Variants in CNNM1 observed in about 807,000 individuals in gnomAD.
CNNM1 encodes metal transporter CNNM1.
In CNNM1, 44 loss-of-function variants were observed where a neutral mutation model predicts 78.8. The observed-to-expected ratio is 0.56, with a 90% CI of 0.44 to 0.72. CNNM1 has a LOEUF of 0.72. Ranked by LOEUF, CNNM1 falls within the 30% of genes least tolerant of loss-of-function variation. The pLI is 0.00. For synonymous variants in CNNM1, 584 were observed against 581.5 expected, an observed-to-expected ratio of 1.00 and a Z score of -0.06; for missense variants, 1,101 against 1,292.2, an observed-to-expected ratio of 0.85 and a Z score of 2.27.
intron 6 of CNNM1, among the ~76,000 whole-genome samples, chr10:99,368,839 C>T (rs1470646804): frequency 6.6e-6 from 1 of 152,176 alleles, no homozygotes; most frequent in East Asian, 1.9e-4. Flanking sequence ...TTTGCACATA[C>T]CACCCAGGCA....
At chr10:99,360,333 G>C (rs1056124456) in intron 2 of CNNM1, among the ~76,000 whole-genome samples, 1 of 152,162 alleles carries the variant, frequency 6.6e-6, no homozygotes, top group East Asian at 1.9e-4. Context: ...GCAAAGGAGG[G>C]GGACAGAGTC....
chr10:99,388,263 A>G lies in CNNM1; in HGVS notation c.2636A>G (p.Gln879Arg). 6.2e-7 allele frequency: 1 copy of G among 1,613,902 alleles called. No homozygotes were observed. The highest frequency in any genetic ancestry group is 8.5e-7 in the Non-Finnish European group (1 of 1,179,870). ...GACTTCGAGGAGCACAGCACACAGCAGCTCACGCTGTCTCCTGCAGCCGTT... is the reference window on the plus strand; with the variant it reads ...GACTTCGAGGAGCACAGCACACAGCGGCTCACGCTGTCTCCTGCAGCCGTT... ...MTDFEEHSTQ[Q>R]LTLSPAAVPT... The change falls in exon 9 of 11, where the codon CAG becomes CGG. Residue 879 changes from glutamine to arginine, a missense_variant. By Grantham distance (43) the Gln-to-Arg change is conservative (BLOSUM62 1). Transcript: ENST00000356713.
chr10:99,360,701 C>A, intron 2 of CNNM1, 134 bp from the exon 3 acceptor site: 1 of 1,146,458 alleles, frequency 8.7e-7, no homozygotes, highest in Non-Finnish European at 1.2e-6. Context: ...CCTTCTACTT[C>A]CTGGGTGATA....
intron 2 of CNNM1, among the ~76,000 whole-genome samples, chr10:99,358,709 C>G (rs1044622801): frequency 6.6e-6 from 1 of 152,130 alleles, no homozygotes; most frequent in Non-Finnish European, 1.5e-5. Context: ...TTGCCCGGAC[C>G]AGGCGTGTCT....
intron 9 of CNNM1, 109 bp downstream of exon 9, chr10:99,388,410 C>G: frequency 1.6e-6 from 2 of 1,277,946 alleles, no homozygotes; most frequent in Non-Finnish European, 2.1e-6. Context: ...GCAGCCCGTG[C>G]GTTAAACCTC....
intron 1 of CNNM1, among the ~76,000 whole-genome samples, chr10:99,351,158 C>T (rs187870037): frequency 7.9e-5 from 12 of 152,258 alleles, no homozygotes; most frequent in Admixed American, 2.6e-4. Context: ...ACTAGGACTG[C>T]CCTTTGGATT....
rs1850563883 is a variant in CNNM1, at chr10:99,329,922, G to T, written c.535G>T (p.Gly179Cys). The T allele has an allele frequency of 7.2e-7, 1 of 1,382,918 alleles. No individual in the cohort carries two copies. The allele number at this position is 1,382,918 out of a possible 1,614,324, so 85.7% of individuals were successfully genotyped here. A position where few individuals can be genotyped will look rare whatever the true frequency, so the allele number is the denominator to read the frequency against. The change falls in exon 1 of 11, where the codon GGT becomes TGT. Residue 179 changes from glycine (G) to cysteine (C), a missense_variant. By Grantham distance (159) the Gly-to-Cys change is radical. Coordinates refer to ENST00000356713, the MANE Select transcript of CNNM1 (RefSeq NM_020348.3). ...KGEAERGGAG[G>C]GGKLFSLCAW... ...CGAAGCGGAGCGGGGCGGCGCGGGCGGTGGCGGGAAGCTCTTTTCACTCTG... is the reference window on the plus strand; with the variant it reads ...CGAAGCGGAGCGGGGCGGCGCGGGCTGTGGCGGGAAGCTCTTTTCACTCTG...
At chr10:99,361,359 A>T (rs2031427904) in intron 3 of CNNM1, among the ~76,000 whole-genome samples, 1 of 152,216 alleles carries the variant, frequency 6.6e-6, no homozygotes, top group Admixed American at 6.5e-5. Flanking sequence ...TAAAATACAG[A>T]AGTGTATTGT....
Position 99,357,083 on chromosome 10 carries a change from T to C in CNNM1, c.1574-429T>C, listed in dbSNP as rs542134973. Among the ~76,000 whole-genome samples, 272 of 152,272 alleles carry C rather than the reference T, an allele frequency of 1.8e-3. 1 individual carries two copies. The highest frequency in any genetic ancestry group is 3.8e-3 in the Admixed American group (58 of 15,298). ...TTTCCTGATTCTAGATGAGAGATGGTAATTCAGTGGAGATTAAATGATTTG... is the reference window on the plus strand; with the variant it reads ...TTTCCTGATTCTAGATGAGAGATGGCAATTCAGTGGAGATTAAATGATTTG... On this transcript the variant is annotated intron_variant, in intron 1 of 10. Coordinates refer to ENST00000356713, the MANE Select transcript of CNNM1 (RefSeq NM_020348.3).
chr10:99,359,264 A>G (rs1357699424), intron 2 of CNNM1, among the ~76,000 whole-genome samples: 1 of 152,040 alleles, frequency 6.6e-6, no homozygotes, highest in Admixed American at 6.5e-5. Flanking sequence ...TATTTAGGCA[A>G]ACTTATCATA....
In CNNM1 at chr10:99,390,785, T is replaced by C. The variant is rs2134087225; in HGVS notation, c.2776+378T>C. 2.0e-5 allele frequency among the ~76,000 whole-genome samples: 3 copies of C among 152,372 alleles called. 1 individual carries two copies. The highest frequency in any genetic ancestry group is 6.8e-3 in the Middle Eastern group (2 of 294). On this transcript the variant is annotated intron_variant, in intron 10 of 10. Transcript: ENST00000356713. ...GACCATATGGCCCACAGGCCTCTAA[T>C]ATTTTCTGTCTAGTCCTTTAAAGAA...
At chr10:99,358,860 G>A (rs1321537864) in intron 2 of CNNM1, among the ~76,000 whole-genome samples, 3 of 151,866 alleles carry the variant, frequency 2.0e-5, no homozygotes, top group Non-Finnish European at 4.4e-5. Flanking sequence ...TTAGCCAGGC[G>A]TGGTGACGTG....
At chr10:99,342,907 A>T (rs756489156) in intron 1 of CNNM1, among the ~76,000 whole-genome samples, 15 of 152,134 alleles carry the variant, frequency 9.9e-5, no homozygotes, top group Non-Finnish European at 1.5e-4. Flanking sequence ...AAAAGCATAA[A>T]ATTTTAGAGC....
intron 1 of CNNM1, among the ~76,000 whole-genome samples, chr10:99,332,697 G>A (rs941063898): frequency 2.6e-5 from 4 of 152,160 alleles, no homozygotes; most frequent in African/African-American, 7.2e-5. Context: ...AGCCTGGAAG[G>A]GGGGAAAAAG....
At chr10:99,357,955 C>A (rs1277141116) in intron 2 of CNNM1, among the ~76,000 whole-genome samples, 1 of 152,178 alleles carries the variant, frequency 6.6e-6, no homozygotes, top group Non-Finnish European at 1.5e-5. Flanking sequence ...ACACAGTGTT[C>A]CCAGGACGGT....
Position 99,379,640 on chromosome 10 carries a change from A to ATT in CNNM1, c.2340+2439_2340+2440dup, listed in dbSNP as rs11305524. On this transcript the variant is annotated intron_variant, in intron 7 of 10. Coordinates refer to ENST00000356713, the MANE Select transcript of CNNM1 (RefSeq NM_020348.3). The stretch of plus-strand genomic sequence containing the variant: ...TGGATTCTACTTTAAGTGTGGCGGG[A>ATT]TTTTTTTTTTTTTTTTTTGTAGAGA... Among the ~76,000 whole-genome samples the ATT allele has an allele frequency of 3.3e-5, 4 of 119,722 alleles. No individual in the cohort carries two copies. In the South Asian group the frequency reaches 8.1e-4, roughly 24 times the overall value. The allele number at this position is 119,722 out of a possible 152,430, so 78.5% of individuals were successfully genotyped here. A position where few individuals can be genotyped will look rare whatever the true frequency, so the allele number is the denominator to read the frequency against.
At chr10:99,348,362 A>T (rs929709522) in intron 1 of CNNM1, among the ~76,000 whole-genome samples, 2 of 152,158 alleles carry the variant, frequency 1.3e-5, no homozygotes, top group African/African-American at 4.8e-5. Flanking sequence ...TATATATTTT[A>T]GATATGTATT....
intron 1 of CNNM1, among the ~76,000 whole-genome samples, chr10:99,347,727 T>C (rs1479060648): frequency 6.6e-6 from 1 of 151,930 alleles, no homozygotes; most frequent in African/African-American, 2.4e-5. Context: ...CCCACTACTT[T>C]CCTCTCCCAC....
Position 99,329,911 on chromosome 10 carries a change from G to A in CNNM1, c.524G>A (p.Gly175Asp), listed in dbSNP as rs750398441. Residue 175 changes from glycine (G) to aspartate (D), a missense_variant, in exon 1 of 11, where the codon GGC becomes GAC. Gly to Asp is a moderately conservative substitution (Grantham distance 94). Transcript: ENST00000356713. Reference sequence around the variant, plus strand: ...CTGCGCAAGGGCGAAGCGGAGCGGGGCGGCGCGGGCGGTGGCGGGAAGCTC... The same window carrying A: ...CTGCGCAAGGGCGAAGCGGAGCGGGACGGCGCGGGCGGTGGCGGGAAGCTC... ...RELRKGEAER[G>D]GAGGGGKLFS... The A allele has an allele frequency of 1.4e-6, 2 of 1,385,208 alleles. No homozygotes were observed. The highest frequency in any genetic ancestry group is 3.8e-5 in the Admixed American group (1 of 26,200). The allele number at this position is 1,385,208 out of a possible 1,614,324, so 85.8% of individuals were successfully genotyped here.
Sources: gnomAD v4.1 joint callset for allele counts (sites outside exome capture counted in the v4.1 genomes callset) on GRCh38, gnomAD v4.1.1 for gene constraint, MANE v1.5 for transcripts, NCBI Gene and HGNC (gene_info 2026-07-23, HGNC 2026-07-21) for gene names.